ZC3H11A: variants seen among roughly 807,000 people sequenced by gnomAD.
The protein encoded by ZC3H11A is zinc finger CCCH-type containing 11A, also known as zinc finger CCCH domain-containing protein 11A.
Under a neutral mutation model 90.8 loss-of-function variants are expected in ZC3H11A, and 22 were observed. The ratio of observed to expected loss-of-function variants is 0.24; its 90% CI spans 0.17 to 0.35. The LOEUF (loss-of-function observed/expected upper bound fraction) is 0.35. Among genes scored for constraint, ZC3H11A ranks in the 10% least tolerant of loss-of-function variants. The pLI is 1.00. For synonymous variants in ZC3H11A, 294 were observed against 339.8 expected (o/e 0.87, Z 1.48); for missense variants, 701 against 964.9 (o/e 0.73, Z 3.62).
intron 15 of ZC3H11A, 45 bp downstream of exon 15, chr1:203,850,071 C>G (rs760707550): frequency 6.4e-7 from 1 of 1,572,906 alleles, no homozygotes; most frequent in Non-Finnish European, 8.6e-7. Flanking sequence ...ATCAAAATTA[C>G]CAAATTCAAC....
chr1:203,828,255 T>TA lies in ZC3H11A; in HGVS notation c.175-43dup, dbSNP rs765566455. 5.0e-6 allele frequency: 8 copies of TA among 1,611,768 alleles called. No homozygotes were observed. In the South Asian group the frequency reaches 6.6e-5, roughly 13 times the overall value. ...AAACAAACTGCCACATGAATATACGTATCACTGTTTTATTTGAAAGCAATG... is the reference window on the plus strand; with the variant it reads ...AAACAAACTGCCACATGAATATACGTAATCACTGTTTTATTTGAAAGCAATG... On this transcript the variant is annotated intron_variant, in intron 4 of 17. Coordinates refer to ENST00000367210, the MANE Select transcript of ZC3H11A (RefSeq NM_001376342.1).
At chr1:203,818,546 A>G (rs1677145042) in intron 3 of ZC3H11A, 24 bp from the exon 4 acceptor site, 1 of 1,613,630 alleles carries the variant, frequency 6.2e-7, no homozygotes, top group Non-Finnish European at 8.5e-7. Flanking sequence ...TGCTACAAAT[A>G]GAGTGTTCTC....
chr1:203,797,689 C>T (rs750943051), intron 1 of ZC3H11A: 1 of 1,535,370 alleles, frequency 6.5e-7, no homozygotes, highest in South Asian at 1.2e-5. Flanking sequence ...AATAAAGAGG[C>T]AAAACAGCCT....
intron 1 of ZC3H11A, chr1:203,801,216 A>G (rs1243003035): frequency 6.6e-6 from 1 of 152,214 alleles, no homozygotes; most frequent in Admixed American, 6.5e-5. Context: ...TGGGAATTGT[A>G]ATGAGAGCCC....
chr1:203,822,491 T>C (rs1240514835), intron 4 of ZC3H11A, among the ~76,000 whole-genome samples: 2 of 152,120 alleles, frequency 1.3e-5, no homozygotes, highest in Non-Finnish European at 2.9e-5. Context: ...TACTTTGTGC[T>C]GAGCGGCCCT....
At chr1:203,838,291 G>T (rs1044141134) in intron 11 of ZC3H11A, among the ~76,000 whole-genome samples, 1 of 152,156 alleles carries the variant, frequency 6.6e-6, no homozygotes, top group African/African-American at 2.4e-5. Context: ...ATAAATGGCA[G>T]GTAGGAATAC....
intron 1 of ZC3H11A, chr1:203,799,149 T>C (rs1228744558): frequency 6.7e-7 from 1 of 1,483,678 alleles, no homozygotes. Context: ...TTTACAAGAA[T>C]TAAATGACCA....
intron 4 of ZC3H11A, among the ~76,000 whole-genome samples, chr1:203,821,219 A>G (rs1678561525): frequency 6.6e-6 from 1 of 151,930 alleles, no homozygotes; most frequent in South Asian, 2.1e-4. Context: ...GCCATGTAAG[A>G]CTTGTTTGTG....
At chr1:203,796,583 G>T in intron 1 of ZC3H11A, 1 of 397,722 alleles carries the variant, frequency 2.5e-6, no homozygotes, top group South Asian at 1.3e-4. Context: ...TGGAACTAGA[G>T]ATAGCGATGC....
chr1:203,797,878 T>C (rs1237142408), intron 1 of ZC3H11A: 1 of 1,536,108 alleles, frequency 6.5e-7, no homozygotes, highest in Non-Finnish European at 8.7e-7. Context: ...GAGAGCAATA[T>C]AGAAAAACAG....
chr1:203,809,839 A>G (rs1673723440), intron 2 of ZC3H11A, among the ~76,000 whole-genome samples: 1 of 152,160 alleles, frequency 6.6e-6, no homozygotes, highest in Non-Finnish European at 1.5e-5. Context: ...CTGTAATTCC[A>G]GCTACTCGGG....
At chr1:203,805,950 A>G in intron 2 of ZC3H11A, 1 of 630,918 alleles carries the variant, frequency 1.6e-6, no homozygotes, top group Non-Finnish European at 3.0e-6. Flanking sequence ...GTTTCATAGC[A>G]TCAACCGTGG....
intron 4 of ZC3H11A, among the ~76,000 whole-genome samples, chr1:203,825,517 T>G (rs10158428): frequency 6.9e-6 from 1 of 145,152 alleles, no homozygotes; most frequent in Non-Finnish European, 1.5e-5. Context: ...TCACTGAAAC[T>G]TCCACCTCCC....
chr1:203,853,287 G>A lies in ZC3H11A; in HGVS notation c.*888G>A, dbSNP rs4019814. 1 of 152,606 alleles carries A rather than the reference G, an allele frequency of 6.6e-6. No homozygotes were observed. The highest frequency in any genetic ancestry group is 2.4e-5 in the African/African-American group (1 of 41,426). 9.5% of individuals were successfully genotyped at this position (152,606 alleles called of 1,614,324 possible). On this transcript the variant is annotated 3_prime_UTR_variant, in exon 18 of 18. Coordinates refer to ENST00000367210, the MANE Select transcript of ZC3H11A (RefSeq NM_001376342.1). ...AACAAACCCCTGTTGCCCAGTATTT[G>A]TTTGGTGGCCTTTAACCACCTGAGG... is the stretch of plus-strand genomic sequence containing the variant.
At chr1:203,844,889 C>T (rs779642724) in intron 12 of ZC3H11A, among the ~76,000 whole-genome samples, 1 of 152,142 alleles carries the variant, frequency 6.6e-6, no homozygotes, top group East Asian at 1.9e-4. Context: ...TGCTCTACTT[C>T]TCTCCAGCCC....
At chr1:203,848,662 C>T (rs931758410) in intron 14 of ZC3H11A, among the ~76,000 whole-genome samples, 8 of 152,198 alleles carry the variant, frequency 5.3e-5, no homozygotes, top group East Asian at 1.9e-4. Context: ...CTGAGGCGGG[C>T]GGATCACGAG....
chr1:203,797,500 C>A, intron 1 of ZC3H11A: 1 of 1,465,034 alleles, frequency 6.8e-7, no homozygotes. Flanking sequence ...GATTCTGGTA[C>A]GAATTGTGGA....
chr1:203,850,711 T>C, intron 16 of ZC3H11A, 30 bp downstream of exon 16: 2 of 1,603,582 alleles, frequency 1.2e-6, no homozygotes, highest in Non-Finnish European at 1.7e-6. Context: ...TGTGGTGCTT[T>C]ATTCTGTGTG....
intron 2 of ZC3H11A, among the ~76,000 whole-genome samples, chr1:203,804,776 G>T (rs1168762959): frequency 6.6e-6 from 1 of 150,656 alleles, no homozygotes; most frequent in Non-Finnish European, 1.5e-5. Context: ...AGGTTCAAGT[G>T]ATTCTTCTGT....
Sources: gnomAD v4.1 joint callset for allele counts (sites outside exome capture counted in the v4.1 genomes callset) on GRCh38, gnomAD v4.1.1 for gene constraint, MANE v1.5 for transcripts, NCBI Gene and HGNC (gene_info 2026-07-23, HGNC 2026-07-21) for gene names.